HCN1: variants seen among roughly 807,000 people sequenced by gnomAD.
The protein encoded by HCN1 is hyperpolarization activated cyclic nucleotide gated potassium channel 1, also known as potassium/sodium hyperpolarization-activated cyclic nucleotide-gated channel 1.
In HCN1, 13 loss-of-function variants were observed where a neutral mutation model predicts 78.9. The ratio of observed to expected loss-of-function variants is 0.16; its 90% confidence interval spans 0.11 to 0.26. HCN1 has a LOEUF of 0.26. Among genes scored for constraint, HCN1 ranks in the 10% least tolerant of loss-of-function variants. HCN1 has a pLI of 1.00. For synonymous variants in HCN1, 552 were observed against 455.5 expected (o/e 1.21, Z -2.70); for missense variants, 810 against 1,154.3 (o/e 0.70, Z 4.32).
chr5:45,683,652 C>T (rs1739748438), intron 1 of HCN1, among the ~76,000 whole-genome samples: 1 of 151,730 alleles, frequency 6.6e-6, no homozygotes, highest in African/African-American at 2.4e-5. Flanking sequence ...TATATACACA[C>T]ACACACACAT....
At position 45,462,156 on chromosome 5, in the gene HCN1, T is replaced by C. The variant is rs1486459177; in HGVS notation, c.850-149A>G. On this transcript the variant is annotated intron_variant, in intron 2 of 7. Coordinates refer to ENST00000303230, the MANE Select transcript of HCN1 (RefSeq NM_021072.4). ...CTTGCAGAAATAGAAACAGATTACA[T>C]TTCTTTATTTTTACAATAAGGTTGA... The C allele has an allele frequency of 3.4e-5, 23 of 672,318 alleles. No homozygotes were observed. The East Asian group carries it at 3.8e-4, about 11-fold the overall frequency. 41.6% of individuals were successfully genotyped at this position (672,318 alleles called of 1,614,324 possible). A position where few individuals can be genotyped will look rare whatever the true frequency, so the allele number is the denominator to read the frequency against.
chr5:45,375,809 TATAATATA>T, intron 4 of HCN1, among the ~76,000 whole-genome samples: 4 of 115,610 alleles, frequency 3.5e-5, no homozygotes, highest in African/African-American at 7.3e-5. Context: ...ATATCTTATA[TATAATATA>T]ATATTTTATG....
intron 1 of HCN1, among the ~76,000 whole-genome samples, chr5:45,674,050 T>C (rs1388048180): frequency 6.6e-6 from 1 of 151,560 alleles, no homozygotes; most frequent in Non-Finnish European, 1.5e-5. Context: ...GAAAACCTTT[T>C]AGTTATTATA....
At position 45,496,331 on chromosome 5, in the gene HCN1, A is replaced by T. The variant is rs1302199160; in HGVS notation, c.850-34324T>A. 2.7e-5 allele frequency among the ~76,000 whole-genome samples: 4 copies of T among 150,770 alleles called. No homozygotes were observed. The South Asian group carries it at 6.3e-4, about 24-fold the overall frequency. On this transcript the variant is annotated intron_variant, in intron 2 of 7. Coordinates refer to ENST00000303230, the MANE Select transcript of HCN1 (RefSeq NM_021072.4). ...AACTTCTTCCTGGTTTAGTCTTGGG[A>T]GAGTGTATGTGTCGAGGAATGTATC...
chr5:45,489,231 G>T (rs1334352134), intron 2 of HCN1, among the ~76,000 whole-genome samples: 1 of 152,106 alleles, frequency 6.6e-6, no homozygotes, highest in Non-Finnish European at 1.5e-5. Context: ...AAGTTTTGTT[G>T]CATTTTGGGG....
chr5:45,581,453 T>C (rs1744071116), intron 2 of HCN1, among the ~76,000 whole-genome samples: 1 of 152,212 alleles, frequency 6.6e-6, no homozygotes, highest in South Asian at 2.1e-4. Flanking sequence ...GTAAAATTTT[T>C]CTCCCATTCT....
intron 2 of HCN1, among the ~76,000 whole-genome samples, chr5:45,522,494 A>G (rs1384781942): frequency 6.6e-6 from 1 of 152,052 alleles, no homozygotes; most frequent in Non-Finnish European, 1.5e-5. Flanking sequence ...ACAATTACTT[A>G]GAAGGAAATG....
At chr5:45,321,533 C>A (rs1746126361) in intron 5 of HCN1, among the ~76,000 whole-genome samples, 1 of 151,620 alleles carries the variant, frequency 6.6e-6, no homozygotes, top group Non-Finnish European at 1.5e-5. Flanking sequence ...TTATATTTTG[C>A]AATAGTGTAT....
chr5:45,535,066 A>G lies in HCN1; in HGVS notation c.850-73059T>C, dbSNP rs1375851427. ...AATTTATATGCTGTGAAATTAAATCACGCACTATAAAACCAAAAACAATAG... is the reference window on the plus strand; with the variant it reads ...AATTTATATGCTGTGAAATTAAATCGCGCACTATAAAACCAAAAACAATAG... On this transcript the variant is annotated intron_variant, in intron 2 of 7. Transcript: ENST00000303230. Among the ~76,000 whole-genome samples the G allele has an allele frequency of 2.0e-5, 3 of 152,312 alleles. No individual in the cohort carries two copies. The Middle Eastern group carries it at 0.01, about 518-fold the overall frequency.
At chr5:45,335,652 A>T (rs1746438420) in intron 5 of HCN1, among the ~76,000 whole-genome samples, 1 of 152,188 alleles carries the variant, frequency 6.6e-6, no homozygotes, top group South Asian at 2.1e-4. Flanking sequence ...CTAAAATATA[A>T]CAGCTGTAAG....
At chr5:45,309,276 T>C (rs1293664627) in intron 5 of HCN1, among the ~76,000 whole-genome samples, 1 of 152,162 alleles carries the variant, frequency 6.6e-6, no homozygotes, top group Non-Finnish European at 1.5e-5. Context: ...GCTGTCATAA[T>C]GGGGTTTTCT....
intron 2 of HCN1, among the ~76,000 whole-genome samples, chr5:45,550,093 T>C (rs1275071880): frequency 1.3e-5 from 2 of 152,150 alleles, no homozygotes; most frequent in Admixed American, 1.3e-4. Flanking sequence ...AGTGTGGCGA[T>C]TCCTCAGGGA....
At chr5:45,567,439 C>A (rs1743730702) in intron 2 of HCN1, among the ~76,000 whole-genome samples, 2 of 152,074 alleles carry the variant, frequency 1.3e-5, no homozygotes, top group African/African-American at 4.8e-5. Flanking sequence ...GAGTACAGAG[C>A]TGAAAGTGAA....
intron 5 of HCN1, among the ~76,000 whole-genome samples, chr5:45,350,387 A>G (rs2111979083): frequency 6.6e-6 from 1 of 152,262 alleles, no homozygotes; most frequent in Non-Finnish European, 1.5e-5. Context: ...AAATAATAAG[A>G]GCTATCTATG....
intron 3 of HCN1, among the ~76,000 whole-genome samples, chr5:45,455,760 C>CAAAA (rs571706502): frequency 3.3e-5 from 2 of 59,828 alleles, no homozygotes; most frequent in African/African-American, 4.6e-5. Flanking sequence ...TTCTGGAACT[C>CAAAA]AAAAAAAAAA....
At chr5:45,370,778 T>A (rs750103556) in intron 4 of HCN1, among the ~76,000 whole-genome samples, 9 of 152,118 alleles carry the variant, frequency 5.9e-5, no homozygotes, top group Non-Finnish European at 8.8e-5. Flanking sequence ...GTATTCTTAC[T>A]CTTCACTGAC....
intron 2 of HCN1, among the ~76,000 whole-genome samples, chr5:45,486,840 A>G (rs1477883530): frequency 6.6e-6 from 1 of 152,122 alleles, no homozygotes; most frequent in Non-Finnish European, 1.5e-5. Context: ...AACTTTTATA[A>G]TCAGAAGATA....
At chr5:45,450,951 C>G (rs548552991) in intron 3 of HCN1, among the ~76,000 whole-genome samples, 1 of 152,210 alleles carries the variant, frequency 6.6e-6, no homozygotes, top group East Asian at 1.9e-4. Context: ...ATTGTATTAG[C>G]TATTTGGCTT....
intron 2 of HCN1, among the ~76,000 whole-genome samples, chr5:45,517,985 A>T (rs1296052285): frequency 1.3e-5 from 2 of 152,044 alleles, no homozygotes; most frequent in African/African-American, 4.8e-5. Context: ...ACACCTCCTA[A>T]ATTTTGTCAG....
Sources: gnomAD v4.1 joint callset for allele counts (sites outside exome capture counted in the v4.1 genomes callset) on GRCh38, gnomAD v4.1.1 for gene constraint, MANE v1.5 for transcripts, NCBI Gene and HGNC (gene_info 2026-07-23, HGNC 2026-07-21) for gene names.